Variants in CACNA1B observed in about 807,000 individuals in gnomAD.
CACNA1B encodes calcium voltage-gated channel subunit alpha1 B, also known as voltage-dependent N-type calcium channel subunit alpha-1B.
In CACNA1B, 70 loss-of-function variants were observed where a neutral mutation model predicts 247.2. That is an observed-to-expected ratio of 0.28 (90% confidence interval 0.23 to 0.35). The LOEUF is 0.35. Among genes scored for constraint, CACNA1B ranks in the 10% least tolerant of loss-of-function variants. CACNA1B has a pLI of 1.00. For missense variants in CACNA1B, 2,367 were observed against 3,197.4 expected (o/e 0.74, Z 6.26); for synonymous variants, 1,231 against 1,294.4 (o/e 0.95, Z 1.05).
At chr9:138,109,174 G>T (rs1378149402) in intron 39 of CACNA1B, among the ~76,000 whole-genome samples, 1 of 152,186 alleles carries the variant, frequency 6.6e-6, no homozygotes, top group Non-Finnish European at 1.5e-5. Flanking sequence ...CATCAATCAT[G>T]TATCATAGAC....
intron 3 of CACNA1B, among the ~76,000 whole-genome samples, chr9:137,912,307 T>C (rs1957367750): frequency 6.6e-6 from 1 of 152,056 alleles, no homozygotes; most frequent in Admixed American, 6.5e-5. Flanking sequence ...CAAAAGAAAC[T>C]AAGAAGGAGC....
Position 137,899,812 on chromosome 9 carries a change from C to T in CACNA1B, c.531-13368C>T, listed in dbSNP as rs1957211659. Reference sequence around the variant, plus strand: ...CTCCCTGGACTGGGCCTGACTGGCACCTGACCCACCTGCCCCGGCCCAGGG... The same window carrying T: ...CTCCCTGGACTGGGCCTGACTGGCATCTGACCCACCTGCCCCGGCCCAGGG... On this transcript the variant is annotated intron_variant, in intron 3 of 46. Coordinates refer to ENST00000371372, the MANE Select transcript of CACNA1B (RefSeq NM_000718.4). The surrounding 1 kb of genome is among the most constrained non-coding windows in gnomAD (Gnocchi z 5.0). 6.6e-6 allele frequency among the ~76,000 whole-genome samples: 1 copy of T among 152,202 alleles called. No homozygotes were observed. The highest frequency in any genetic ancestry group is 1.9e-4 in the East Asian group (1 of 5,160).
At chr9:137,992,762 A>G (rs1958446839) in intron 15 of CACNA1B, among the ~76,000 whole-genome samples, 1 of 150,814 alleles carries the variant, frequency 6.6e-6, no homozygotes, top group South Asian at 2.1e-4. Flanking sequence ...CGGCCACTGC[A>G]CTCCAGCCTG....
chr9:137,943,050 CTT>C (rs58509237), intron 6 of CACNA1B, among the ~76,000 whole-genome samples: 27 of 136,042 alleles, frequency 2.0e-4, no homozygotes, highest in Non-Finnish European at 3.0e-4. Flanking sequence ...GAGTTTCAAA[CTT>C]TTTTTTTTTT....
chr9:137,966,462 C>T (rs1290709891), intron 10 of CACNA1B, among the ~76,000 whole-genome samples: 5 of 151,826 alleles, frequency 3.3e-5, no homozygotes, highest in Admixed American at 1.3e-4. Context: ...CTCCTGACCT[C>T]GTGATCTGCC....
chr9:137,930,187 TAGATGATTATTTA>T (rs1243366007), intron 6 of CACNA1B, among the ~76,000 whole-genome samples: 1 of 152,216 alleles, frequency 6.6e-6, no homozygotes, highest in Non-Finnish European at 1.5e-5. Flanking sequence ...GCTGGGGGTT[TAGATGATTATTTA>T]GACTTCCTTC....
At chr9:137,908,926 T>C (rs1957329012) in intron 3 of CACNA1B, among the ~76,000 whole-genome samples, 1 of 151,322 alleles carries the variant, frequency 6.6e-6, no homozygotes, top group Non-Finnish European at 1.5e-5. Flanking sequence ...CCACCACACC[T>C]GGCTAAATTT....
rs116008899 is a variant in CACNA1B, at chr9:138,004,736, C to T, written c.1975-2031C>T. Among the ~76,000 whole-genome samples, 1,015 of 151,980 alleles carry T rather than the reference C, an allele frequency of 6.7e-3. 15 individuals are homozygous for T. Among genetic ancestry groups the T allele is most frequent in the African/African-American group, 0.023 (973 of 41,448 alleles). On this transcript the variant is annotated intron_variant, in intron 15 of 46. Coordinates refer to ENST00000371372, the MANE Select transcript of CACNA1B (RefSeq NM_000718.4). ...CCCTAAAGACTTGGATCCATTCATC[C>T]AACAAGGGACTACTATCCACAATAT...
At chr9:137,892,211 C>T (rs1029748709) in intron 3 of CACNA1B, 32 of 456,652 alleles carry the variant, frequency 7.0e-5, no homozygotes, top group Admixed American at 1.2e-4. Flanking sequence ...GCAGCACAGC[C>T]GGGCGCTGCA....
chr9:137,947,797 C>A (rs190512454), intron 6 of CACNA1B, among the ~76,000 whole-genome samples: 2 of 151,782 alleles, frequency 1.3e-5, no homozygotes, highest in East Asian at 1.9e-4. Flanking sequence ...TGATGAGAAA[C>A]CATTTGAATT....
intron 6 of CACNA1B, among the ~76,000 whole-genome samples, chr9:137,925,243 C>G (rs1033172319): frequency 6.6e-6 from 1 of 152,216 alleles, no homozygotes; most frequent in African/African-American, 2.4e-5. Flanking sequence ...CCCAGGTTAT[C>G]TGAGGCAGTA....
chr9:138,107,620 T>A (rs1025536227), intron 39 of CACNA1B, among the ~76,000 whole-genome samples: 1 of 152,100 alleles, frequency 6.6e-6, no homozygotes, highest in Non-Finnish European at 1.5e-5. Context: ...CAGCAGCTTC[T>A]AATTCATCCA....
intron 15 of CACNA1B, among the ~76,000 whole-genome samples, chr9:137,993,180 A>T (rs1958453042): frequency 6.6e-6 from 1 of 152,208 alleles, no homozygotes; most frequent in Non-Finnish European, 1.5e-5. Context: ...AGAAGTAATG[A>T]AAATCAGAGC....
intron 42 of CACNA1B, among the ~76,000 whole-genome samples, chr9:138,116,904 ACT>A (rs1564295550): frequency 6.6e-6 from 1 of 152,028 alleles, no homozygotes; most frequent in East Asian, 1.9e-4. Flanking sequence ...GCTGCTTGCA[ACT>A]CTCAGAAGAC....
At chr9:138,029,368 G>A (rs1958960123) in intron 20 of CACNA1B, among the ~76,000 whole-genome samples, 1 of 152,158 alleles carries the variant, frequency 6.6e-6, no homozygotes, top group African/African-American at 2.4e-5. Flanking sequence ...GTCTCTTTTT[G>A]TAGGACAGTT....
At chr9:138,070,511 G>A (rs1045453020) in intron 32 of CACNA1B, among the ~76,000 whole-genome samples, 2 of 152,234 alleles carry the variant, frequency 1.3e-5, no homozygotes, top group African/African-American at 4.8e-5. Context: ...GAATTTTAGA[G>A]CAAAGATATT....
chr9:138,071,701 C>G (rs1960139577), intron 32 of CACNA1B, among the ~76,000 whole-genome samples: 1 of 152,210 alleles, frequency 6.6e-6, no homozygotes, highest in South Asian at 2.1e-4. Context: ...AACTGTTACT[C>G]TCCACGCACC....
Position 137,882,188 on chromosome 9 carries a change from G to T in CACNA1B, c.391-556G>T, listed in dbSNP as rs1211486563. On this transcript the variant is annotated intron_variant, in intron 2 of 46. Coordinates refer to ENST00000371372, the MANE Select transcript of CACNA1B (RefSeq NM_000718.4). The surrounding 1 kb of genome is among the most constrained non-coding windows in gnomAD (Gnocchi z 4.0). Reference sequence around the variant, plus strand: ...GCCTGGACTGAGTTCAAGAAAGCCTGAGCTGTATCCAGGCAACCTTGTGCA... The same window carrying T: ...GCCTGGACTGAGTTCAAGAAAGCCTTAGCTGTATCCAGGCAACCTTGTGCA... 6.6e-6 allele frequency among the ~76,000 whole-genome samples: 1 copy of T among 152,214 alleles called. No homozygotes were observed. The highest frequency in any genetic ancestry group is 1.5e-5 in the Non-Finnish European group (1 of 68,036).
Position 138,054,780 on chromosome 9 carries a change from C to T in CACNA1B, c.3968+774C>T, listed in dbSNP as rs974690325. The stretch of plus-strand genomic sequence containing the variant: ...TTGTGTAAAATTACACTCTCTCCAG[C>T]GTAGATGAGAGCCCCACATCCTAGC... On this transcript the variant is annotated intron_variant, in intron 26 of 46. Coordinates refer to ENST00000371372, the MANE Select transcript of CACNA1B (RefSeq NM_000718.4). The surrounding 1 kb of genome is among the most constrained non-coding windows in gnomAD (Gnocchi z 4.6). Among the ~76,000 whole-genome samples the T allele has an allele frequency of 7.9e-5, 12 of 152,192 alleles. No individual in the cohort carries two copies. Among genetic ancestry groups the T allele is most frequent in the South Asian group, 6.2e-4 (3 of 4,822 alleles).
Sources: gnomAD v4.1 joint callset for allele counts (sites outside exome capture counted in the v4.1 genomes callset) on GRCh38, gnomAD v4.1.1 for gene constraint, Gnocchi (gnomAD v3.1) non-coding constraint, MANE v1.5 for transcripts, NCBI Gene and HGNC (gene_info 2026-07-23, HGNC 2026-07-21) for gene names.